The following GALC variants were observed in gnomAD, a reference collection of about 807,000 sequenced individuals.
GALC encodes galactosylceramidase, also known as galactocerebrosidase.
In GALC, 77 loss-of-function variants were observed where a neutral mutation model predicts 91.8. The observed-to-expected ratio is 0.84, with a 90% CI of 0.70 to 1.01. The LOEUF is 1.01. Ranked by LOEUF, GALC falls within the 50% of genes least tolerant of loss-of-function variation. GALC has a pLI of 0.00. For missense variants in GALC, 882 were observed against 855.9 expected (o/e 1.03, Z -0.38); for synonymous variants, 357 against 306.7 (o/e 1.16, Z -1.71).
At chr14:87,955,175 T>TAA (rs1354611985) in intron 10 of GALC, 1 of 1,293,994 alleles carries the variant, frequency 7.7e-7, no homozygotes, top group East Asian at 2.3e-5. Context: ...CCTGACACTG[T>TAA]AAAGCATGGA....
intron 5 of GALC, among the ~76,000 whole-genome samples, chr14:87,983,007 A>G (rs572248688): frequency 1.3e-5 from 2 of 152,276 alleles, no homozygotes; most frequent in African/African-American, 4.8e-5. Flanking sequence ...CCAAACCTAC[A>G]TTTAGTCTCA....
rs1002946173 is a variant in GALC at position 87,941,438 on chromosome 14, G to A, written c.1791C>T (p.Phe597=). The A allele has an allele frequency of 5.6e-6, 9 of 1,607,944 alleles. No homozygotes were observed. The African/African-American group carries it at 8.1e-5, about 14-fold the overall frequency. Residue 597 remains phenylalanine, a synonymous_variant, in exon 15 of 17, where the codon TTC becomes TTT. Transcript: ENST00000261304. Reference sequence around the variant, plus strand: ...TGTAAGATCCATTTGCAAAAATCCAGAAGAAAATTCCTCTGGCACTTCTAA... The same window carrying A: ...TGTAAGATCCATTTGCAAAAATCCAAAAGAAAATTCCTCTGGCACTTCTAA... ...ILIRSARGIF[F]WIFANGSYRV... is the part of the protein sequence containing the mutation.
intron 10 of GALC, among the ~76,000 whole-genome samples, chr14:87,962,599 ACACAC>A (rs1885853850): frequency 7.6e-6 from 1 of 131,942 alleles, no homozygotes; most frequent in Non-Finnish European, 1.5e-5. Flanking sequence ...ACACACACAC[ACACAC>A]ACACACACAC....
Position 87,934,455 on chromosome 14 carries a change from T to G in GALC, c.*277A>C. On this transcript the variant is annotated 3_prime_UTR_variant, in exon 17 of 17. Transcript: ENST00000261304. ...AGCAGCAAGGCTTCGAGGTCTGTAC[T>G]ACTCAAACCACTCCTAAGGGTATGG... 1 of 1,343,624 alleles carries G rather than the reference T, an allele frequency of 7.4e-7. No homozygotes were observed. Among genetic ancestry groups the G allele is most frequent in the South Asian group, 1.6e-5 (1 of 64,258 alleles). The allele number at this position is 1,343,624 out of a possible 1,614,324, so 83.2% of individuals were successfully genotyped here. A position where few individuals can be genotyped will look rare whatever the true frequency, so the allele number is the denominator to read the frequency against.
intron 6 of GALC, 110 bp from the exon 7 acceptor site, chr14:87,976,598 T>C (rs1357545657): frequency 5.5e-6 from 5 of 909,938 alleles, no homozygotes; most frequent in South Asian, 2.8e-5. Flanking sequence ...TTCTGGATAA[T>C]AGCTTCTTTT....
At chr14:87,937,605 G>C (rs1286596186) in intron 16 of GALC, among the ~76,000 whole-genome samples, 1 of 151,744 alleles carries the variant, frequency 6.6e-6, no homozygotes, top group Non-Finnish European at 1.5e-5. Context: ...AGACACACCA[G>C]AAGAAACAGC....
At chr14:87,992,332 G>A in intron 1 of GALC, 1 of 1,535,698 alleles carries the variant, frequency 6.5e-7, no homozygotes, top group East Asian at 2.4e-5. Context: ...GAAGCCCATG[G>A]GCCCAGAGGG....
intron 10 of GALC, among the ~76,000 whole-genome samples, chr14:87,955,656 G>A (rs1885503652): frequency 6.6e-6 from 1 of 152,038 alleles, no homozygotes; most frequent in Non-Finnish European, 1.5e-5. Flanking sequence ...ATAAACCTCT[G>A]TTTAGACAAG....
intron 10 of GALC, 62 bp downstream of exon 10, chr14:87,963,322 T>A: frequency 6.6e-7 from 1 of 1,520,306 alleles, no homozygotes; most frequent in South Asian, 1.1e-5. Flanking sequence ...TATTCAGTTT[T>A]ATATTTTATT....
At position 87,933,804 on chromosome 14, in the gene GALC, A is replaced by C; in HGVS notation, c.*928T>G. On this transcript the variant is annotated 3_prime_UTR_variant, in exon 17 of 17. Coordinates refer to ENST00000261304, the MANE Select transcript of GALC (RefSeq NM_000153.4). ...TTAAAAAGTAAGTACATCTTAGGAGATGATCCAATTCTGGGAGTTAGCAAA... is the reference window on the plus strand; with the variant it reads ...TTAAAAAGTAAGTACATCTTAGGAGCTGATCCAATTCTGGGAGTTAGCAAA... 1 of 556,386 alleles carries C rather than the reference A, an allele frequency of 1.8e-6. No homozygotes were observed. The highest frequency in any genetic ancestry group is 3.2e-6 in the Non-Finnish European group (1 of 314,284). The allele number at this position is 556,386 out of a possible 1,614,324, so 34.5% of individuals were successfully genotyped here.
chr14:87,948,935 T>G (rs1885192013), intron 12 of GALC, among the ~76,000 whole-genome samples: 1 of 152,066 alleles, frequency 6.6e-6, no homozygotes, highest in Non-Finnish European at 1.5e-5. Flanking sequence ...GGCCAATTCG[T>G]TCTTTGAAAC....
At position 87,934,995 on chromosome 14, in the gene GALC, T is replaced by G. The variant is rs1039895290; in HGVS notation, c.1912-117A>C. On this transcript the variant is annotated intron_variant, in intron 16 of 16. Coordinates refer to ENST00000261304, the MANE Select transcript of GALC (RefSeq NM_000153.4). Reference sequence around the variant, plus strand: ...AGCAAATGTACTACTCACTCAAGACTTAACCACAGCAAAACACAATTCCAC... The same window carrying G: ...AGCAAATGTACTACTCACTCAAGACGTAACCACAGCAAAACACAATTCCAC... 19 of 734,088 alleles carry G rather than the reference T, an allele frequency of 2.6e-5. No individual in the cohort carries two copies. In the African/African-American group the frequency reaches 3.2e-4, roughly 12 times the overall value. The allele number at this position is 734,088 out of a possible 1,614,324, so 45.5% of individuals were successfully genotyped here. A position where few individuals can be genotyped will look rare whatever the true frequency, so the allele number is the denominator to read the frequency against.
intron 2 of GALC, 52 bp from the exon 3 acceptor site, chr14:87,988,259 A>G: frequency 6.6e-7 from 1 of 1,518,748 alleles, no homozygotes; most frequent in Non-Finnish European, 9.1e-7. Context: ...ATGAAGCTTC[A>G]AGACAATTAC....
chr14:87,982,860 T>C (rs1886806831), intron 5 of GALC, among the ~76,000 whole-genome samples: 1 of 152,170 alleles, frequency 6.6e-6, no homozygotes, highest in African/African-American at 2.4e-5. Flanking sequence ...AGAATCCAGG[T>C]GCAGGTCTTT....
chr14:87,992,570 G>T (rs773049099), intron 1 of GALC: 34 of 1,493,020 alleles, frequency 2.3e-5, no homozygotes, highest in Non-Finnish European at 2.9e-5. Context: ...TTTCGCACAC[G>T]GACGCTCCCG....
intron 1 of GALC, among the ~76,000 whole-genome samples, chr14:87,991,500 C>A (rs577346613): frequency 2.6e-5 from 4 of 152,218 alleles, no homozygotes; most frequent in African/African-American, 9.6e-5. Flanking sequence ...CCGTGCCCGG[C>A]CCTACATTCT....
At chr14:87,977,032 T>C (rs1471571087) in intron 6 of GALC, among the ~76,000 whole-genome samples, 1 of 95,880 alleles carries the variant, frequency 1.0e-5, no homozygotes, top group Non-Finnish European at 2.0e-5. Context: ...CATAGAAATA[T>C]GGGGGGGGGG....
intron 10 of GALC, among the ~76,000 whole-genome samples, chr14:87,951,711 C>T (rs1885316502): frequency 6.6e-6 from 1 of 151,814 alleles, no homozygotes; most frequent in South Asian, 2.1e-4. Context: ...AAAATATTTA[C>T]AAACTATCAA....
At chr14:87,944,327 T>C (rs1010114163) in intron 14 of GALC, among the ~76,000 whole-genome samples, 2 of 151,800 alleles carry the variant, frequency 1.3e-5, no homozygotes, top group Non-Finnish European at 2.9e-5. Context: ...TTCAAGTGCA[T>C]GGGGTATAGG....
Sources: allele counts gnomAD v4.1 joint callset (sites outside exome capture counted in the v4.1 genomes callset), GRCh38; gene constraint gnomAD v4.1.1; transcripts MANE v1.5; gene names NCBI Gene and HGNC (gene_info 2026-07-23, HGNC 2026-07-21).